The following ATXN1 variants were observed in gnomAD, a reference collection of about 807,000 sequenced individuals.
ATXN1 encodes the protein ataxin 1.
ATXN1 carries 8 observed loss-of-function variants against 56.4 expected under a neutral mutation model. The ratio of observed to expected loss-of-function variants is 0.14; its 90% confidence interval spans 0.08 to 0.26. The LOEUF (loss-of-function observed/expected upper bound fraction) is 0.26, where lower values mean the gene tolerates loss of function less well. Ranked by LOEUF, ATXN1 falls within the 10% of genes least tolerant of loss-of-function variation. The pLI, the probability that ATXN1 is intolerant of heterozygous loss-of-function variation, is 1.00. For missense variants in ATXN1, 987 were observed against 1,106.5 expected (o/e 0.89, Z 1.53); for synonymous variants, 514 against 494.6 (o/e 1.04, Z -0.52).
At chr6:16,415,214 G>A (rs1758876893) in intron 6 of ATXN1, among the ~76,000 whole-genome samples, 1 of 152,118 alleles carries the variant, frequency 6.6e-6, no homozygotes, top group African/African-American at 2.4e-5. Flanking sequence ...GAAACAATAA[G>A]TGGTTTTTTT....
intron 3 of ATXN1, among the ~76,000 whole-genome samples, chr6:16,607,912 G>A (rs1763039157): frequency 1.3e-5 from 2 of 152,162 alleles, no homozygotes; most frequent in South Asian, 2.1e-4. Flanking sequence ...CCCTCAATCG[G>A]TGGTGAGACA....
chr6:16,654,216 G>C (rs1758141990), intron 3 of ATXN1, among the ~76,000 whole-genome samples: 1 of 152,142 alleles, frequency 6.6e-6, no homozygotes, highest in South Asian at 2.1e-4. Flanking sequence ...CATTCTGTAA[G>C]AAGCAGGCCC....
At chr6:16,733,658 A>T (rs546527757) in intron 2 of ATXN1, among the ~76,000 whole-genome samples, 7 of 152,126 alleles carry the variant, frequency 4.6e-5, no homozygotes, top group African/African-American at 1.7e-4. Context: ...GACCAGCTTG[A>T]CCAACATGGA....
chr6:16,649,634 T>C (rs1763860514), intron 3 of ATXN1, among the ~76,000 whole-genome samples: 1 of 152,262 alleles, frequency 6.6e-6, no homozygotes, highest in Non-Finnish European at 1.5e-5. Context: ...CAACTATTAC[T>C]GTAAAAACTG....
intron 7 of ATXN1, among the ~76,000 whole-genome samples, chr6:16,319,288 C>T (rs1048410452): frequency 9.9e-5 from 15 of 152,090 alleles, no homozygotes; most frequent in African/African-American, 3.6e-4. Context: ...ATCAGAGCAA[C>T]AAGAAGACAT....
At chr6:16,512,652 T>C (rs1396016066) in intron 5 of ATXN1, among the ~76,000 whole-genome samples, 1 of 152,192 alleles carries the variant, frequency 6.6e-6, no homozygotes, top group Non-Finnish European at 1.5e-5. Context: ...ACAAAATATA[T>C]AGCAGGCTCT....
chr6:16,740,636 C>G (rs900982917), intron 2 of ATXN1, among the ~76,000 whole-genome samples: 1 of 152,218 alleles, frequency 6.6e-6, no homozygotes, highest in Non-Finnish European at 1.5e-5. Flanking sequence ...AAATCATTCT[C>G]TGTTTATCCA....
intron 2 of ATXN1, among the ~76,000 whole-genome samples, chr6:16,704,724 G>A (rs899561344): frequency 1.3e-5 from 2 of 152,184 alleles, no homozygotes; most frequent in African/African-American, 4.8e-5. Context: ...GGGGCTGCTG[G>A]AATGCAAGTG....
At chr6:16,500,738 T>TAAAAAA (rs1167731131) in intron 5 of ATXN1, among the ~76,000 whole-genome samples, 14 of 84,530 alleles carry the variant, frequency 1.7e-4, no homozygotes, top group Non-Finnish European at 2.2e-4. Flanking sequence ...TTCATTATGA[T>TAAAAAA]AAAAAAAAAA....
chr6:16,572,435 C>T (rs1762348929), intron 4 of ATXN1, among the ~76,000 whole-genome samples: 1 of 152,172 alleles, frequency 6.6e-6, no homozygotes, highest in Non-Finnish European at 1.5e-5. Context: ...CAGGTGAATA[C>T]ACCTACGGTT....
At chr6:16,595,723 T>A (rs1194624537) in intron 3 of ATXN1, among the ~76,000 whole-genome samples, 1 of 152,242 alleles carries the variant, frequency 6.6e-6, no homozygotes, top group South Asian at 2.1e-4. Flanking sequence ...GTACGAAGGA[T>A]GTCTCTGGAA....
At chr6:16,439,952 G>A (rs1039621143) in intron 6 of ATXN1, among the ~76,000 whole-genome samples, 4 of 151,708 alleles carry the variant, frequency 2.6e-5, no homozygotes, top group Admixed American at 6.6e-5. Context: ...GTAGGCACCT[G>A]TAATCCCAGC....
At position 16,452,073 on chromosome 6, in the gene ATXN1, T is replaced by C. The variant is rs77787102; in HGVS notation, c.-161+33899A>G. Among the ~76,000 whole-genome samples, 1,470 of 152,318 alleles carry C rather than the reference T, an allele frequency of 9.7e-3. 21 individuals carry two copies. Among genetic ancestry groups the C allele is most frequent in the African/African-American group, 0.034 (1,395 of 41,568 alleles). Reference sequence around the variant, plus strand: ...TTGCCTATAACACACGAGGTTGTAATGTGGCTCATGAACAAGACAGATGCC... The same window carrying C: ...TTGCCTATAACACACGAGGTTGTAACGTGGCTCATGAACAAGACAGATGCC... On this transcript the variant is annotated intron_variant, in intron 6 of 7. Transcript: ENST00000436367.
chr6:16,468,014 G>A (rs1432046531), intron 6 of ATXN1, among the ~76,000 whole-genome samples: 4 of 152,030 alleles, frequency 2.6e-5, no homozygotes, highest in Non-Finnish European at 4.4e-5. Flanking sequence ...CTATTAAATA[G>A]GGAATTATAG....
intron 6 of ATXN1, among the ~76,000 whole-genome samples, chr6:16,427,019 T>C (rs1215607473): frequency 6.6e-6 from 1 of 152,130 alleles, no homozygotes; most frequent in Non-Finnish European, 1.5e-5. Context: ...TCTATTCTCA[T>C]GGACCAGATT....
intron 1 of ATXN1, among the ~76,000 whole-genome samples, chr6:16,759,345 G>C (rs193025333): frequency 6.6e-6 from 1 of 152,208 alleles, no homozygotes; most frequent in East Asian, 1.9e-4. Context: ...TATTCTGTGG[G>C]TGTAATAGGG....
intron 5 of ATXN1, among the ~76,000 whole-genome samples, chr6:16,521,214 T>C (rs973482465): frequency 4.6e-5 from 7 of 152,310 alleles, no homozygotes; most frequent in African/African-American, 1.7e-4. Context: ...TTAACTTCTC[T>C]CCATCTTATT....
chr6:16,638,182 C>T (rs540340958), intron 3 of ATXN1, among the ~76,000 whole-genome samples: 9 of 152,098 alleles, frequency 5.9e-5, no homozygotes, highest in Non-Finnish European at 8.8e-5. Flanking sequence ...TGGTCACTCA[C>T]GCCTGTAATC....
rs74676523 is a variant in ATXN1 at position 16,720,750 on chromosome 6, C to A, written c.-615+32483G>T. On this transcript the variant is annotated intron_variant, in intron 2 of 7. Coordinates refer to ENST00000436367, the MANE Select transcript of ATXN1 (RefSeq NM_001128164.2). ...AGGAGAGGCCTAAATCCTTTTCCTA[C>A]CAGCTATGTGAGCCTGAGTAAGTAA... Among the ~76,000 whole-genome samples the A allele has an allele frequency of 3.6e-3, 549 of 152,284 alleles. 28 individuals carry two copies. The East Asian group carries it at 0.088, about 24-fold the overall frequency.
Sources: allele counts gnomAD v4.1 joint callset (sites outside exome capture counted in the v4.1 genomes callset), GRCh38; gene constraint gnomAD v4.1.1; transcripts MANE v1.5; gene names NCBI Gene and HGNC (gene_info 2026-07-23, HGNC 2026-07-21).